The following MACF1 variants were observed in gnomAD, a reference collection of about 807,000 sequenced individuals.
MACF1 encodes the protein microtubule-actin cross-linking factor 1.
Under a neutral mutation model 854.8 loss-of-function variants are expected in MACF1, and 193 were observed. The observed-to-expected ratio is 0.23, with a 90% confidence interval of 0.20 to 0.25. MACF1 has a LOEUF of 0.25. Among genes scored for constraint, MACF1 ranks in the 10% least tolerant of loss-of-function variants. The pLI is 1.00. For missense variants in MACF1, 7,722 were observed against 8,929.1 expected (o/e 0.86, Z 5.45); for synonymous variants, 3,185 against 3,226.7 (o/e 0.99, Z 0.44).
chr1:39,151,577 C>T (rs932478780), intron 2 of MACF1, among the ~76,000 whole-genome samples: 1 of 152,150 alleles, frequency 6.6e-6, no homozygotes. Flanking sequence ...CATGTTTGCT[C>T]ATGTTTCTAC....
rs760498305 is a variant in MACF1 at position 39,336,621 on chromosome 1, G to C, written c.10033G>C (p.Gly3345Arg). Reference sequence around the variant, plus strand: ...TGCACCTGAAGGAAAGGGAAATGGAGGTGTAAACCCAGAGCCCTTCAGAGC... The same window carrying C: ...TGCACCTGAAGGAAAGGGAAATGGACGTGTAAACCCAGAGCCCTTCAGAGC... The part of the protein sequence containing the change: ...MTAPEGKGNG[G>R]VNPEPFRATQ... The change falls in exon 37 of 101, where the codon GGT (glycine) becomes CGT (arginine). Residue 3345 changes from glycine to arginine, a missense_variant. By Grantham distance (125) the Gly-to-Arg change is moderately radical. Coordinates refer to ENST00000564288, the MANE Select transcript of MACF1 (RefSeq NM_001394062.1). The C allele has an allele frequency of 1.2e-6, 2 of 1,613,138 alleles. No individual in the cohort carries two copies. Among genetic ancestry groups the C allele is most frequent in the Admixed American group, 3.3e-5 (2 of 59,908 alleles).
chr1:39,392,621 G>C (rs934276729), intron 58 of MACF1, among the ~76,000 whole-genome samples: 5 of 152,108 alleles, frequency 3.3e-5, no homozygotes, highest in South Asian at 4.1e-4. Context: ...AACTCCATGG[G>C]AGCTAGAATA....
chr1:39,241,236 T>A (rs1458632280), intron 2 of MACF1, among the ~76,000 whole-genome samples: 1 of 152,208 alleles, frequency 6.6e-6, no homozygotes, highest in Non-Finnish European at 1.5e-5. Context: ...ACATTACTTT[T>A]CTCTTTAAAA....
At chr1:39,450,960 G>A in intron 84 of MACF1, 92 bp from the exon 85 acceptor site, 2 of 1,414,986 alleles carry the variant, frequency 1.4e-6, no homozygotes, top group Non-Finnish European at 2.0e-6. Context: ...TCTATATAGG[G>A]TTCAAGCAAT....
intron 2 of MACF1, among the ~76,000 whole-genome samples, chr1:39,111,109 G>A (rs1377912976): frequency 6.6e-6 from 1 of 152,138 alleles, no homozygotes; most frequent in African/African-American, 2.4e-5. Flanking sequence ...TACTCTCATG[G>A]TTTTGATTGG....
chr1:39,313,748 A>T (rs929632622), intron 26 of MACF1, among the ~76,000 whole-genome samples: 1 of 151,926 alleles, frequency 6.6e-6, no homozygotes, highest in Admixed American at 6.6e-5. Flanking sequence ...TCCTTTTAAC[A>T]TGTCCCCATC....
intron 99 of MACF1, among the ~76,000 whole-genome samples, 159 bp downstream of exon 99, chr1:39,481,189 C>G (rs1645005533): frequency 6.6e-6 from 1 of 152,192 alleles, no homozygotes; most frequent in Admixed American, 6.5e-5. Flanking sequence ...TCAGGGGTTT[C>G]TAACTCGGAT....
intron 1 of MACF1, among the ~76,000 whole-genome samples, chr1:39,226,465 C>T (rs933484494): frequency 3.3e-5 from 5 of 152,018 alleles, no homozygotes; most frequent in Admixed American, 2.6e-4. Context: ...GTCAGCCTTC[C>T]GAGTAGCTGG....
At chr1:39,271,520 AT>A (rs1315016863) in intron 6 of MACF1, among the ~76,000 whole-genome samples, 1 of 152,152 alleles carries the variant, frequency 6.6e-6, no homozygotes, top group East Asian at 1.9e-4. Flanking sequence ...TCAACATGAG[AT>A]TTGGTAGGGA....
chr1:39,142,038 C>T (rs867653551), intron 2 of MACF1, among the ~76,000 whole-genome samples: 5 of 152,146 alleles, frequency 3.3e-5, no homozygotes, highest in Non-Finnish European at 4.4e-5. Context: ...CAGGCAGTTC[C>T]GGCAGCATTT....
intron 2 of MACF1, among the ~76,000 whole-genome samples, chr1:39,095,291 G>A (rs957202037): frequency 1.3e-5 from 2 of 152,002 alleles, no homozygotes; most frequent in African/African-American, 2.4e-5. Context: ...GGCTGGGTGC[G>A]GTGGCTCACG....
Position 39,251,961 on chromosome 1 carries a change from C to A in MACF1, c.357+20C>A. On this transcript the variant is annotated intron_variant, in intron 4 of 100. Coordinates refer to ENST00000564288, the MANE Select transcript of MACF1 (RefSeq NM_001394062.1). Reference sequence around the variant, plus strand: ...GATGTAGTAGGTCCTCCTGGGGATGCCAGCATCCCAGCTGGCACTGCTGGC... The same window carrying A: ...GATGTAGTAGGTCCTCCTGGGGATGACAGCATCCCAGCTGGCACTGCTGGC... The A allele has an allele frequency of 1.4e-6, 2 of 1,462,534 alleles. No individual in the cohort carries two copies. Among genetic ancestry groups the A allele is most frequent in the Non-Finnish European group, 1.8e-6 (2 of 1,106,682 alleles). The allele number at this position is 1,462,534 out of a possible 1,614,324, so 90.6% of individuals were successfully genotyped here.
At position 39,469,630 on chromosome 1, in the gene MACF1, T is replaced by G; in HGVS notation, c.21958+15T>G. On this transcript the variant is annotated intron_variant, in intron 97 of 100. Coordinates refer to ENST00000564288, the MANE Select transcript of MACF1 (RefSeq NM_001394062.1). ...GTCTCCCATAGGTTGGCTTTTAAGC[T>G]TTGTCCCTCTTCCTCACACCCTAGC... 3.2e-6 allele frequency: 5 copies of G among 1,545,488 alleles called. No individual in the cohort carries two copies. Among genetic ancestry groups the G allele is most frequent in the South Asian group, 2.4e-5 (2 of 83,976 alleles).
At chr1:39,208,615 G>C (rs550595959) in intron 1 of MACF1, among the ~76,000 whole-genome samples, 1 of 151,626 alleles carries the variant, frequency 6.6e-6, no homozygotes, top group Non-Finnish European at 1.5e-5. Context: ...CACCACGCCT[G>C]ACTAATTTTT....
At chr1:39,201,720 G>C (rs1014600550), upstream of MACF1, among the ~76,000 whole-genome samples, 1 of 151,886 alleles carries the variant, frequency 6.6e-6, no homozygotes, top group Admixed American at 6.6e-5. Context: ...ATGGCTTCCC[G>C]TTTCACCTAG....
chr1:39,217,573 A>C (rs1312076391), intron 1 of MACF1, among the ~76,000 whole-genome samples: 1 of 152,214 alleles, frequency 6.6e-6, no homozygotes, highest in Non-Finnish European at 1.5e-5. Flanking sequence ...TGCTTAAAAA[A>C]GGGATTAAAA....
At chr1:39,100,232 A>G (rs1642034785) in intron 2 of MACF1, among the ~76,000 whole-genome samples, 1 of 152,156 alleles carries the variant, frequency 6.6e-6, no homozygotes, top group African/African-American at 2.4e-5. Flanking sequence ...CGCTGCCTCT[A>G]AATAAATAAA....
intron 15 of MACF1, among the ~76,000 whole-genome samples, chr1:39,288,179 T>TTA (rs1483541217): frequency 6.6e-6 from 1 of 152,164 alleles, no homozygotes; most frequent in Non-Finnish European, 1.5e-5. Context: ...GACAATCCAG[T>TTA]TATACTCTTT....
chr1:39,439,535 C>T (rs765217865), intron 72 of MACF1, 35 bp downstream of exon 72: 1 of 1,539,208 alleles, frequency 6.5e-7, no homozygotes, highest in South Asian at 1.1e-5. Flanking sequence ...TCTTAGGTGT[C>T]TGTCCTCTAG....
Sources: gnomAD v4.1 joint callset for allele counts (sites outside exome capture counted in the v4.1 genomes callset) on GRCh38, gnomAD v4.1.1 for gene constraint, MANE v1.5 for transcripts, NCBI Gene and HGNC (gene_info 2026-07-23, HGNC 2026-07-21) for gene names.